BEGAIN: variants seen among roughly 807,000 people sequenced by gnomAD.
BEGAIN encodes the protein brain enriched guanylate kinase associated.
Under a neutral mutation model 35.8 loss-of-function variants are expected in BEGAIN, and 19 were observed. The observed-to-expected ratio is 0.53, with a 90% confidence interval of 0.37 to 0.78. The LOEUF (loss-of-function observed/expected upper bound fraction) is 0.78. Among genes scored for constraint, BEGAIN ranks in the 30% least tolerant of loss-of-function variants. The pLI, the probability that BEGAIN is intolerant of heterozygous loss-of-function variation, is 0.00. For synonymous variants in BEGAIN, 462 were observed against 388.6 expected (o/e 1.19, Z -2.22); for missense variants, 795 against 853.6 (o/e 0.93, Z 0.85).
At chr14:100,545,181 C>G in intron 3 of BEGAIN, 115 bp from the exon 4 acceptor site, 2 of 1,564,570 alleles carry the variant, frequency 1.3e-6, no homozygotes, top group Non-Finnish European at 8.6e-7. Context: ...CTGAGCTCAC[C>G]CCACCAGCTT....
intron 2 of BEGAIN, among the ~76,000 whole-genome samples, chr14:100,564,448 C>T (rs1047048298): frequency 9.2e-5 from 14 of 152,112 alleles, no homozygotes; most frequent in African/African-American, 3.4e-4. Flanking sequence ...CTGCAGGAGG[C>T]AGGCAGGAGG....
At chr14:100,569,269 C>T (rs1307552110) in intron 1 of BEGAIN, among the ~76,000 whole-genome samples, 1 of 152,162 alleles carries the variant, frequency 6.6e-6, no homozygotes, top group Non-Finnish European at 1.5e-5. Context: ...CCTAAGGCGC[C>T]CGGATGGCGG....
intron 1 of BEGAIN, chr14:100,577,368 G>T (rs1595151565): frequency 2.5e-6 from 1 of 399,154 alleles, no homozygotes; most frequent in South Asian, 1.3e-4. Flanking sequence ...CACTGCCCAA[G>T]CAAGGCCCAC....
intron 3 of BEGAIN, 45 bp from the exon 4 acceptor site, chr14:100,545,111 C>T: frequency 6.2e-7 from 1 of 1,611,262 alleles, no homozygotes; most frequent in Non-Finnish European, 8.5e-7. Flanking sequence ...AGGCCTGTCC[C>T]TCCCACGACC....
intron 1 of BEGAIN, among the ~76,000 whole-genome samples, chr14:100,585,460 TCATC>T (rs1047619236): frequency 1.6e-5 from 2 of 124,488 alleles, no homozygotes; most frequent in African/African-American, 3.2e-5. Flanking sequence ...ATCCATCCAT[TCATC>T]CATCCATCCA....
chr14:100,551,521 A>C (rs1055013005), intron 2 of BEGAIN, among the ~76,000 whole-genome samples: 1 of 152,264 alleles, frequency 6.6e-6, no homozygotes, highest in Admixed American at 6.5e-5. Flanking sequence ...CATTGAAAAA[A>C]TAACTGCATA....
Position 100,543,766 on chromosome 14 carries a change from C to T in BEGAIN, c.408+92G>A, listed in dbSNP as rs867904751. The T allele has an allele frequency of 2.3e-5, 23 of 1,008,064 alleles. 2 individuals carry two copies. The highest frequency in any genetic ancestry group is 4.2e-4 in the Middle Eastern group (2 of 4,764). 62.4% of individuals were successfully genotyped at this position (1,008,064 alleles called of 1,614,324 possible). ...CAAAGCAGCTGAGCTCAGGACCCTT[C>T]AGAGTCAGAATGTGACTCCCAGTGC... On this transcript the variant is annotated intron_variant, in intron 5 of 6. Transcript: ENST00000554140.
At position 100,573,558 on chromosome 14, in the gene BEGAIN, C is replaced by T; in HGVS notation, c.43-5619G>A. ...CAGGACCCCAGGGCATCCAGCCAGG[C>T]CCACGGGGCCTGGGGTGGAGGTGGG... On this transcript the variant is annotated intron_variant, in intron 1 of 6. Coordinates refer to ENST00000554140, the MANE Select transcript of BEGAIN (RefSeq NM_001385089.1). This position sits in a 1 kb window ranked among gnomAD's most constrained non-coding sequence, Gnocchi z 4.2. Among the ~76,000 whole-genome samples the T allele has an allele frequency of 6.6e-6, 1 of 152,226 alleles. No individual in the cohort carries two copies. The highest frequency in any genetic ancestry group is 1.9e-4 in the East Asian group (1 of 5,182).
chr14:100,539,334 G>A lies in BEGAIN; in HGVS notation c.493-19C>T, dbSNP rs763691171. 2.4e-5 allele frequency: 36 copies of A among 1,531,522 alleles called. No individual in the cohort carries two copies. The Admixed American group carries it at 6.8e-4, about 29-fold the overall frequency. The allele number at this position is 1,531,522 out of a possible 1,614,324, so 94.9% of individuals were successfully genotyped here. A position where few individuals can be genotyped will look rare whatever the true frequency, so the allele number is the denominator to read the frequency against. On this transcript the variant is annotated intron_variant, in intron 6 of 6. Coordinates refer to ENST00000554140, the MANE Select transcript of BEGAIN (RefSeq NM_001385089.1). ...AGGGCAGCTGGAACGGGTGCGAGGAGGGGGACGGCGGGTACAGGGTCACTG... is the reference window on the plus strand; with the variant it reads ...AGGGCAGCTGGAACGGGTGCGAGGAAGGGGACGGCGGGTACAGGGTCACTG...
intron 2 of BEGAIN, 31 bp from the exon 3 acceptor site, chr14:100,546,693 C>A (rs779663946): frequency 2.6e-6 from 4 of 1,536,800 alleles, no homozygotes; most frequent in Non-Finnish European, 2.6e-6. Context: ...CGGGCCGGGC[C>A]GCGGCGCTGA....
chr14:100,553,365 A>C (rs1184615245), intron 2 of BEGAIN, among the ~76,000 whole-genome samples: 2 of 152,064 alleles, frequency 1.3e-5, no homozygotes, highest in African/African-American at 4.8e-5. Flanking sequence ...CTCCCACCCC[A>C]TTCCAGGGCA....
intron 2 of BEGAIN, among the ~76,000 whole-genome samples, chr14:100,553,511 G>A (rs1007483432): frequency 2.6e-5 from 4 of 152,078 alleles, no homozygotes; most frequent in East Asian, 1.9e-4. Flanking sequence ...CTGCTAAGAG[G>A]GACAACTGTC....
intron 1 of BEGAIN, chr14:100,578,090 C>T: frequency 2.5e-6 from 1 of 397,778 alleles, no homozygotes; most frequent in Middle Eastern, 6.3e-4. Flanking sequence ...TGCCAGATGC[C>T]CGCCTGCCCA....
chr14:100,568,577 G>C lies in BEGAIN; in HGVS notation c.43-638C>G. On this transcript the variant is annotated intron_variant, in intron 1 of 6. Transcript: ENST00000554140. This position sits in a 1 kb window ranked among gnomAD's most constrained non-coding sequence, Gnocchi z 7.5. ...TTAACCCGTGAGCGCCCGGCTCGCC[G>C]GCGGGGCTCCCTGCCTTGCTTGCGC... 8.2e-7 allele frequency: 1 copy of C among 1,226,972 alleles called. No individual in the cohort carries two copies. The highest frequency in any genetic ancestry group is 1.1e-6 in the Non-Finnish European group (1 of 940,378). The allele number at this position is 1,226,972 out of a possible 1,614,324, so 76.0% of individuals were successfully genotyped here. A position where few individuals can be genotyped will look rare whatever the true frequency, so the allele number is the denominator to read the frequency against.
At chr14:100,575,068 A>C (rs1217424949) in intron 1 of BEGAIN, among the ~76,000 whole-genome samples, 1 of 152,148 alleles carries the variant, frequency 6.6e-6, no homozygotes, top group Non-Finnish European at 1.5e-5. Context: ...AGACTCACCC[A>C]TGGCCACTCA....
Position 100,568,305 on chromosome 14 carries a change from G to GCTCCCCCCCCCCCCCCCCCTCACCCCTCC in BEGAIN, c.43-367_43-366insGGAGGGGTGAGGGGGGGGGGGGGGGGGAG. 1.3e-6 allele frequency: 1 copy of GCTCCCCCCCCCCCCCCCCCTCACCCCTCC among 766,382 alleles called. No homozygotes were observed. The highest frequency in any genetic ancestry group is 1.6e-5 in the South Asian group (1 of 61,414). The allele number at this position is 766,382 out of a possible 1,614,324, so 47.5% of individuals were successfully genotyped here. A position where few individuals can be genotyped will look rare whatever the true frequency, so the allele number is the denominator to read the frequency against. On this transcript the variant is annotated intron_variant, in intron 1 of 6. Transcript: ENST00000554140. This position sits in a 1 kb window ranked among gnomAD's most constrained non-coding sequence, Gnocchi z 7.5. ...ACTCTCCGGCGGCCGCGGCCCCGCTGCTCCCCCCGCCCCGCCCGTTAACCC... is the reference window on the plus strand; with the variant it reads ...ACTCTCCGGCGGCCGCGGCCCCGCTGCTCCCCCCCCCCCCCCCCCTCACCCCTCCCTCCCCCCGCCCCGCCCGTTAACCC...
chr14:100,564,257 T>G (rs1291762548), intron 2 of BEGAIN, among the ~76,000 whole-genome samples: 1 of 152,006 alleles, frequency 6.6e-6, no homozygotes, highest in African/African-American at 2.4e-5. Context: ...TTTATTAATG[T>G]CTCTGCAGGC....
chr14:100,541,631 C>CT (rs1437003559), intron 5 of BEGAIN, among the ~76,000 whole-genome samples: 1 of 152,254 alleles, frequency 6.6e-6, no homozygotes, highest in East Asian at 1.9e-4. Context: ...CCGGCTGCCC[C>CT]TGGCACCAGA....
intron 2 of BEGAIN, among the ~76,000 whole-genome samples, chr14:100,550,092 T>A (rs2033032161): frequency 1.3e-5 from 2 of 152,180 alleles, no homozygotes; most frequent in African/African-American, 4.8e-5. Context: ...GCGCACGTGA[T>A]TCTTGGCTCC....
Sources: gnomAD v4.1 joint callset for allele counts (sites outside exome capture counted in the v4.1 genomes callset) on GRCh38, gnomAD v4.1.1 for gene constraint, Gnocchi (gnomAD v3.1) non-coding constraint, MANE v1.5 for transcripts, NCBI Gene and HGNC (gene_info 2026-07-23, HGNC 2026-07-21) for gene names.